ZMYND12: variants seen among roughly 807,000 people sequenced by gnomAD.
ZMYND12 encodes the protein zinc finger MYND domain-containing protein 12.
A neutral mutation model predicts 41.7 loss-of-function variants in ZMYND12; 32 were observed. That is an observed-to-expected ratio of 0.77 (90% CI 0.58 to 1.03). The LOEUF (loss-of-function observed/expected upper bound fraction) is 1.03. Ranked by LOEUF, ZMYND12 falls within the 50% of genes least tolerant of loss-of-function variation. The pLI is 0.00. For synonymous variants in ZMYND12, 148 were observed against 164.8 expected (o/e 0.90, Z 0.78); for missense variants, 424 against 438.5 (o/e 0.97, Z 0.30).
intron 4 of ZMYND12, among the ~76,000 whole-genome samples, chr1:42,439,655 T>C (rs897274562): frequency 6.6e-6 from 1 of 152,164 alleles, no homozygotes; most frequent in African/African-American, 2.4e-5. Flanking sequence ...CTGGCCAAGG[T>C]TGAATAGCTA....
intron 3 of ZMYND12, among the ~76,000 whole-genome samples, chr1:42,440,479 G>A (rs1055381429): frequency 1.3e-5 from 2 of 149,366 alleles, no homozygotes; most frequent in South Asian, 2.1e-4. Context: ...GTGGCCAGGC[G>A]ACAGGGGGAG....
Position 42,430,580 on chromosome 1 carries a change from T to C in ZMYND12, c.*156A>G. On this transcript the variant is annotated 3_prime_UTR_variant, in exon 8 of 8. Coordinates refer to ENST00000372565, the MANE Select transcript of ZMYND12 (RefSeq NM_032257.5). Reference sequence around the variant, plus strand: ...AAAGCTTTATATTCCCTTAATATGCTGTGTAAGAAAAAAATAACAGCTATG... The same window carrying C: ...AAAGCTTTATATTCCCTTAATATGCCGTGTAAGAAAAAAATAACAGCTATG... The C allele has an allele frequency of 1.1e-6, 1 of 912,070 alleles. No homozygotes were observed. The highest frequency in any genetic ancestry group is 1.6e-6 in the Non-Finnish European group (1 of 612,652). 56.5% of individuals were successfully genotyped at this position (912,070 alleles called of 1,614,324 possible).
At chr1:42,430,973 C>T in intron 7 of ZMYND12, 115 bp from the exon 8 acceptor site, 1 of 1,392,594 alleles carries the variant, frequency 7.2e-7, no homozygotes, top group Non-Finnish European at 9.7e-7. Context: ...CTTTTCACAC[C>T]ACCCACTGAG....
At chr1:42,448,371 T>C in intron 3 of ZMYND12, 96 bp downstream of exon 3, 2 of 1,350,684 alleles carry the variant, frequency 1.5e-6, no homozygotes, top group Non-Finnish European at 1.9e-6. Flanking sequence ...AATAGGTCTC[T>C]TGGTGCCACT....
At chr1:42,440,542 A>T (rs1642957985) in intron 3 of ZMYND12, among the ~76,000 whole-genome samples, 1 of 152,190 alleles carries the variant, frequency 6.6e-6, no homozygotes, top group Admixed American at 6.5e-5. Context: ...AGGCACTAAG[A>T]GGGAGTAACT....
Position 42,438,268 on chromosome 1 carries a change from T to C in ZMYND12, c.594+1588A>G, listed in dbSNP as rs72676440. On this transcript the variant is annotated intron_variant, in intron 4 of 7. Transcript: ENST00000372565. Reference sequence around the variant, plus strand: ...TCAATAAGATTGCCTGAAGATAGTTTAGTGGAATTATTACTTGACATGTAG... The same window carrying C: ...TCAATAAGATTGCCTGAAGATAGTTCAGTGGAATTATTACTTGACATGTAG... Among the ~76,000 whole-genome samples the C allele has an allele frequency of 6.8e-3, 1,034 of 152,324 alleles. 5 individuals carry two copies. The highest frequency in any genetic ancestry group is 0.02 in the Middle Eastern group (6 of 294).
Position 42,430,639 on chromosome 1 carries a change from A to C in ZMYND12, c.*97T>G. 1 of 1,493,730 alleles carries C rather than the reference A, an allele frequency of 6.7e-7. No individual in the cohort carries two copies. The allele number at this position is 1,493,730 out of a possible 1,614,324, so 92.5% of individuals were successfully genotyped here. On this transcript the variant is annotated 3_prime_UTR_variant, in exon 8 of 8. Coordinates refer to ENST00000372565, the MANE Select transcript of ZMYND12 (RefSeq NM_032257.5). The stretch of plus-strand genomic sequence containing the variant: ...CCCAGGGGAAGAGGGTGGAAACTTC[A>C]GCAGTCTACAGTACCTCAAAGCAGT...
intron 1 of ZMYND12, among the ~76,000 whole-genome samples, chr1:42,450,415 T>A (rs867893413): frequency 6.6e-6 from 1 of 152,246 alleles, no homozygotes. Flanking sequence ...GTAATCTGAA[T>A]CTTCTTTTCT....
chr1:42,445,292 G>A (rs1032703213), intron 3 of ZMYND12, among the ~76,000 whole-genome samples: 3 of 151,728 alleles, frequency 2.0e-5, no homozygotes, highest in African/African-American at 7.3e-5. Context: ...AAATAGCTGG[G>A]CGTGGTGGTG....
chr1:42,455,579 C>G (rs557502835), intron 1 of ZMYND12, among the ~76,000 whole-genome samples: 1 of 152,314 alleles, frequency 6.6e-6, no homozygotes, highest in South Asian at 2.1e-4. Flanking sequence ...CGGCCTGTTT[C>G]TTTACTGATT....
At position 42,456,007 on chromosome 1, in the gene ZMYND12, A is replaced by G; in HGVS notation, c.-10T>C. 4.4e-6 allele frequency: 7 copies of G among 1,602,308 alleles called. No individual in the cohort carries two copies. Among genetic ancestry groups the G allele is most frequent in the Non-Finnish European group, 6.0e-6 (7 of 1,172,204 alleles). On this transcript the variant is annotated 5_prime_UTR_variant, in exon 1 of 8. Coordinates refer to ENST00000372565, the MANE Select transcript of ZMYND12 (RefSeq NM_032257.5). Reference sequence around the variant, plus strand: ...GGTAGATCACATTCATGGTGCAGCCAGCAGTGCTGGTCTCTAAGACGGTTG... The same window carrying G: ...GGTAGATCACATTCATGGTGCAGCCGGCAGTGCTGGTCTCTAAGACGGTTG...
rs565777490 is a variant in ZMYND12, at chr1:42,451,192, T to C, written c.111-1133A>G. On this transcript the variant is annotated intron_variant, in intron 1 of 7. Transcript: ENST00000372565. ...GATATTTGATCTTCTATCTAGTTGT[T>C]CTATTCATTACTGAGAGTGGGATAC... Among the ~76,000 whole-genome samples the C allele has an allele frequency of 2.6e-5, 4 of 152,306 alleles. No homozygotes were observed. In the South Asian group the frequency reaches 8.3e-4, roughly 32 times the overall value.
At chr1:42,449,865 G>T in intron 2 of ZMYND12, 53 bp downstream of exon 2, 1 of 1,596,166 alleles carries the variant, frequency 6.3e-7, no homozygotes, top group Non-Finnish European at 8.5e-7. Context: ...GCCTTGTCTT[G>T]GGCAGCTTCA....
intron 3 of ZMYND12, among the ~76,000 whole-genome samples, chr1:42,447,987 A>G (rs763689143): frequency 2.6e-5 from 4 of 152,230 alleles, no homozygotes; most frequent in Admixed American, 6.5e-5. Context: ...ATCAGAAGCT[A>G]ATTAGTTTCT....
intron 5 of ZMYND12, among the ~76,000 whole-genome samples, chr1:42,436,181 C>T (rs1642906404): frequency 6.6e-6 from 1 of 152,114 alleles, no homozygotes. Context: ...ACTGACCTGT[C>T]CTTCATTATT....
At chr1:42,450,169 A>G in intron 1 of ZMYND12, 110 bp from the exon 2 acceptor site, 2 of 1,318,524 alleles carry the variant, frequency 1.5e-6, no homozygotes, top group Admixed American at 2.1e-5. Context: ...GCCAAATACA[A>G]ACCAGGCAGG....
At chr1:42,438,151 C>T (rs1642927779) in intron 4 of ZMYND12, among the ~76,000 whole-genome samples, 1 of 152,110 alleles carries the variant, frequency 6.6e-6, no homozygotes, top group Non-Finnish European at 1.5e-5. Context: ...ACAGAATGTG[C>T]CTCTGCTTAA....
chr1:42,437,223 G>C (rs1203723284), intron 4 of ZMYND12, among the ~76,000 whole-genome samples: 2 of 152,186 alleles, frequency 1.3e-5, no homozygotes, highest in African/African-American at 2.4e-5. Flanking sequence ...TGTATGAACT[G>C]TCCTGAGAAG....
intron 1 of ZMYND12, among the ~76,000 whole-genome samples, chr1:42,450,452 G>T (rs1484851345): frequency 1.3e-5 from 2 of 152,134 alleles, no homozygotes; most frequent in Admixed American, 1.3e-4. Flanking sequence ...CTAAAGGTTT[G>T]TCAATTTTGT....
Sources: allele counts gnomAD v4.1 joint callset (sites outside exome capture counted in the v4.1 genomes callset), GRCh38; gene constraint gnomAD v4.1.1; transcripts MANE v1.5; gene names NCBI Gene and HGNC (gene_info 2026-07-23, HGNC 2026-07-21).